The following THSD4 variants were observed in gnomAD, a reference collection of about 807,000 sequenced individuals.
THSD4 encodes the protein thrombospondin type 1 domain containing 4.
In THSD4, 69 loss-of-function variants were observed where a neutral mutation model predicts 119.0. The observed-to-expected ratio is 0.58, with a 90% CI of 0.48 to 0.71. The LOEUF is 0.71. THSD4 is among the 30% of genes least tolerant of loss of function. THSD4 has a pLI of 0.00. For missense variants in THSD4, 1,393 were observed against 1,391.1 expected (o/e 1.00, Z -0.02); for synonymous variants, 524 against 540.4 (o/e 0.97, Z 0.42).
At chr15:71,281,744 A>T (rs2044655787) in intron 6 of THSD4, among the ~76,000 whole-genome samples, 1 of 152,194 alleles carries the variant, frequency 6.6e-6, no homozygotes, top group Non-Finnish European at 1.5e-5. Context: ...TCTTTTCTCC[A>T]TTTGATAAAT....
chr15:71,227,691 G>T (rs1033220840), intron 4 of THSD4, among the ~76,000 whole-genome samples: 1 of 152,320 alleles, frequency 6.6e-6, no homozygotes, highest in East Asian at 1.9e-4. Flanking sequence ...AGGAAGGGAC[G>T]GAATGGGATT....
chr15:71,316,392 T>C (rs1393904700), intron 6 of THSD4, among the ~76,000 whole-genome samples: 1 of 152,196 alleles, frequency 6.6e-6, no homozygotes, highest in Non-Finnish European at 1.5e-5. Flanking sequence ...TGGTGGGACA[T>C]CTTCAGTCAC....
rs2052235971 is a variant in THSD4, at chr15:71,699,305, C to T, written c.1358-29244C>T. ...TCGGCTCACTGCAAGCTCCGCCTCC[C>T]GGGTTCACGCCATTCTCCTGCCTCA... On this transcript the variant is annotated intron_variant, in intron 8 of 17. Transcript: ENST00000261862. Among the ~76,000 whole-genome samples, 2 of 67,034 alleles carry T rather than the reference C, an allele frequency of 3.0e-5. 1 individual carries two copies. The highest frequency in any genetic ancestry group is 5.3e-5 in the Non-Finnish European group (2 of 37,538). The allele number at this position is 67,034 out of a possible 152,430, so 44.0% of individuals were successfully genotyped here. A position where few individuals can be genotyped will look rare whatever the true frequency, so the allele number is the denominator to read the frequency against.
intron 4 of THSD4, among the ~76,000 whole-genome samples, chr15:71,231,095 G>C (rs2044057106): frequency 6.6e-6 from 1 of 152,220 alleles, no homozygotes; most frequent in Admixed American, 6.5e-5. Flanking sequence ...CTGAAGGTCA[G>C]TTCTGGAAAC....
chr15:71,763,871 C>T (rs1030167062), intron 15 of THSD4, among the ~76,000 whole-genome samples: 2 of 152,108 alleles, frequency 1.3e-5, no homozygotes, highest in African/African-American at 4.8e-5. Flanking sequence ...TCAAGACCAG[C>T]CTGGGCAACA....
intron 7 of THSD4, among the ~76,000 whole-genome samples, chr15:71,414,422 T>C (rs944782719): frequency 1.3e-5 from 2 of 152,222 alleles, no homozygotes; most frequent in Non-Finnish European, 2.9e-5. Context: ...CAGATTCTGA[T>C]TCAGTAGGGC....
chr15:71,611,587 G>C (rs1039361694), intron 7 of THSD4, among the ~76,000 whole-genome samples: 4 of 152,210 alleles, frequency 2.6e-5, no homozygotes, highest in African/African-American at 9.6e-5. Context: ...CTAGACATAG[G>C]AGACACAGAT....
intron 7 of THSD4, among the ~76,000 whole-genome samples, chr15:71,571,135 G>A (rs530845310): frequency 4.8e-4 from 73 of 152,104 alleles, no homozygotes; most frequent in African/African-American, 1.7e-3. Context: ...TTGATACTTT[G>A]TCTTCCATAG....
intron 6 of THSD4, among the ~76,000 whole-genome samples, chr15:71,277,165 ACC>A (rs1268973037): frequency 3.4e-5 from 4 of 117,888 alleles, no homozygotes; most frequent in African/African-American, 1.4e-4. Flanking sequence ...CACTCTTGTC[ACC>A]CAGGCTGGAG....
At chr15:71,697,238 G>T (rs1054515050) in intron 8 of THSD4, among the ~76,000 whole-genome samples, 3 of 152,158 alleles carry the variant, frequency 2.0e-5, no homozygotes, top group Non-Finnish European at 4.4e-5. Context: ...ATCAGAAAAC[G>T]AGGCAGAGGA....
At chr15:71,530,778 T>C (rs2048596519) in intron 7 of THSD4, among the ~76,000 whole-genome samples, 1 of 150,746 alleles carries the variant, frequency 6.6e-6, no homozygotes, top group African/African-American at 2.4e-5. Flanking sequence ...AAACATGGGT[T>C]GATACCTACT....
At chr15:71,207,705 C>G (rs2043856072) in intron 3 of THSD4, among the ~76,000 whole-genome samples, 1 of 152,178 alleles carries the variant, frequency 6.6e-6, no homozygotes, top group African/African-American at 2.4e-5. Flanking sequence ...AGCGTGAACC[C>G]TATTGTGAAC....
chr15:71,744,872 TCC>T (rs1279689349), intron 11 of THSD4, among the ~76,000 whole-genome samples: 1 of 152,212 alleles, frequency 6.6e-6, no homozygotes, highest in African/African-American at 2.4e-5. Flanking sequence ...GATTATTGAT[TCC>T]TTTTAGGGCA....
intron 3 of THSD4, among the ~76,000 whole-genome samples, chr15:71,180,019 C>A (rs1201616849): frequency 9.0e-6 from 1 of 111,130 alleles, no homozygotes. Context: ...GGAGGGATAG[C>A]ATTGGGAGAT....
intron 10 of THSD4, among the ~76,000 whole-genome samples, chr15:71,734,838 A>G (rs961599914): frequency 9.2e-5 from 14 of 151,728 alleles, no homozygotes; most frequent in Non-Finnish European, 1.0e-4. Flanking sequence ...AAAAAAAAAA[A>G]AGTCCACAGC....
At chr15:71,211,834 G>A (rs1249018365) in intron 3 of THSD4, among the ~76,000 whole-genome samples, 1 of 152,180 alleles carries the variant, frequency 6.6e-6, no homozygotes, top group Non-Finnish European at 1.5e-5. Context: ...GCAGCACGCT[G>A]GCAGGTTATA....
chr15:71,493,550 T>C (rs938831349), intron 7 of THSD4, among the ~76,000 whole-genome samples: 5 of 152,190 alleles, frequency 3.3e-5, no homozygotes, highest in African/African-American at 9.7e-5. Flanking sequence ...CTGTGGGCCA[T>C]ATGACTAGTC....
At chr15:71,373,464 G>C (rs868839602) in intron 6 of THSD4, among the ~76,000 whole-genome samples, 1 of 152,050 alleles carries the variant, frequency 6.6e-6, no homozygotes, top group Non-Finnish European at 1.5e-5. Context: ...AGGATATCCC[G>C]GTGGCTGAAA....
intron 6 of THSD4, among the ~76,000 whole-genome samples, chr15:71,288,637 G>C (rs967441360): frequency 1.3e-5 from 2 of 152,184 alleles, no homozygotes; most frequent in Non-Finnish European, 2.9e-5. Flanking sequence ...ATAGATCCGG[G>C]AAGGCAGAGA....
Sources: allele counts gnomAD v4.1 joint callset (sites outside exome capture counted in the v4.1 genomes callset), GRCh38; gene constraint gnomAD v4.1.1; transcripts MANE v1.5; gene names NCBI Gene and HGNC (gene_info 2026-07-23, HGNC 2026-07-21).